The following KMT2C variants were observed in gnomAD, a reference collection of about 807,000 sequenced individuals.
KMT2C encodes the protein histone-lysine N-methyltransferase 2C.
Under a neutral mutation model 507.9 loss-of-function variants are expected in KMT2C, and 88 were observed. The ratio of observed to expected loss-of-function variants is 0.17; its 90% CI spans 0.15 to 0.21. The LOEUF (loss-of-function observed/expected upper bound fraction) is 0.21. Among genes scored for constraint, KMT2C ranks in the 10% least tolerant of loss-of-function variants. The pLI, the probability that KMT2C is intolerant of heterozygous loss-of-function variation, is 1.00. For synonymous variants in KMT2C, 2,049 were observed against 2,080.8 expected, an observed-to-expected ratio of 0.98 and a Z score of 0.42; for missense variants, 4,954 against 5,957.8, an observed-to-expected ratio of 0.83 and a Z score of 5.55.
chr7:152,331,410 T>G (rs1311556747), intron 2 of KMT2C, among the ~76,000 whole-genome samples: 1 of 151,662 alleles, frequency 6.6e-6, no homozygotes. Context: ...TTGAGCCCAG[T>G]AGTTCAAGAC....
At chr7:152,411,143 G>C (rs1355381954) in intron 1 of KMT2C, among the ~76,000 whole-genome samples, 1 of 151,920 alleles carries the variant, frequency 6.6e-6, no homozygotes, top group Non-Finnish European at 1.5e-5. Context: ...AGTTCATTTT[G>C]TCTTTAACAG....
At position 152,203,037 on chromosome 7, in the gene KMT2C, A is replaced by G. The variant is rs1246539243; in HGVS notation, c.3989T>C (p.Leu1330Ser). Residue 1330 changes from leucine (L) to serine (S), a missense_variant, in exon 26 of 59, where the codon TTA becomes TCA. By Grantham distance (145) the Leu-to-Ser change is moderately radical. Coordinates refer to ENST00000262189, the MANE Select transcript of KMT2C (RefSeq NM_170606.3). Reference sequence around the variant, plus strand: ...AGTAACAGAAACAGATTCATCAACTAAAGTATCTGGTAACTGCTCACTCCA... The same window carrying G: ...AGTAACAGAAACAGATTCATCAACTGAAGTATCTGGTAACTGCTCACTCCA... ...DGWSEQLPDT[L>S]VDESVSVTES... 10 of 1,610,816 alleles carry G rather than the reference A, an allele frequency of 6.2e-6. No homozygotes were observed. Among genetic ancestry groups the G allele is most frequent in the South Asian group, 4.4e-5 (4 of 90,656 alleles).
chr7:152,182,822 AT>A, intron 35 of KMT2C, 151 bp downstream of exon 35: 4 of 651,902 alleles, frequency 6.1e-6, no homozygotes, highest in Non-Finnish European at 9.9e-6. Flanking sequence ...TCTCAAATCA[AT>A]TTAAATATAT....
chr7:152,370,529 T>A (rs2097285991), intron 1 of KMT2C, among the ~76,000 whole-genome samples: 1 of 152,194 alleles, frequency 6.6e-6, no homozygotes, highest in Non-Finnish European at 1.5e-5. Flanking sequence ...AGCATTATCC[T>A]AAAGCCAAAA....
At position 152,162,270 on chromosome 7, in the gene KMT2C, T is replaced by C; in HGVS notation, c.11307A>G (p.Lys3769=). The C allele has an allele frequency of 4.3e-6, 7 of 1,614,188 alleles. No individual in the cohort carries two copies. The highest frequency in any genetic ancestry group is 1.1e-5 in the South Asian group (1 of 91,086). The change falls in exon 43 of 59, where the codon AAA becomes AAG. Residue 3769 remains lysine, a synonymous_variant. Transcript: ENST00000262189. ...PPHSAGAPAA[K]GDSGNELLKH... is the part of the protein sequence containing the mutation. ...TCAGAAGTTCATTCCCTGAGTCTCC[T>C]TTGGCAGCAGGGGCCCCAGCAGAAT...
At chr7:152,184,057 T>G (rs1020769404) in intron 34 of KMT2C, among the ~76,000 whole-genome samples, 13 of 132,464 alleles carry the variant, frequency 9.8e-5, no homozygotes, top group Non-Finnish European at 4.7e-5. Context: ...GGGCAACAAC[T>G]GTGAAGCTCC....
intron 6 of KMT2C, among the ~76,000 whole-genome samples, chr7:152,297,063 G>A (rs375339207): frequency 0.072 from 4,656 of 64,886 alleles, 202 homozygotes; most frequent in African/African-American, 0.17. Context: ...GACAGAGAGA[G>A]AGAGAGAGAG....
At chr7:152,381,227 A>AAC (rs372604098) in intron 1 of KMT2C, among the ~76,000 whole-genome samples, 371 of 152,280 alleles carry the variant, frequency 2.4e-3, no homozygotes, top group African/African-American at 8.6e-3. Context: ...ACACGCCAAT[A>AAC]ACATTTATTT....
intron 31 of KMT2C, among the ~76,000 whole-genome samples, chr7:152,189,899 C>T (rs937984895): frequency 3.3e-5 from 5 of 152,180 alleles, no homozygotes; most frequent in Non-Finnish European, 5.9e-5. Flanking sequence ...ACTCTGGGGC[C>T]ACAGACTGGT....
chr7:152,159,121 G>A (rs2129101766), intron 43 of KMT2C, 49 bp from the exon 44 acceptor site: 1 of 1,555,640 alleles, frequency 6.4e-7, no homozygotes. Flanking sequence ...TTGCATATTT[G>A]GTTTTTAGTT....
At chr7:152,330,175 G>GC (rs1219913219) in intron 3 of KMT2C, among the ~76,000 whole-genome samples, 123 of 128,622 alleles carry the variant, frequency 9.6e-4, no homozygotes, top group African/African-American at 3.3e-3. Context: ...GTGGTGGGGG[G>GC]GGGGAGAAAA....
At chr7:152,293,446 A>G (rs2096456399) in intron 6 of KMT2C, among the ~76,000 whole-genome samples, 1 of 152,228 alleles carries the variant, frequency 6.6e-6, no homozygotes. Flanking sequence ...AAAAGTTCCT[A>G]AAGGGTATGC....
chr7:152,219,311 C>T (rs574361754), intron 23 of KMT2C, among the ~76,000 whole-genome samples: 7 of 152,078 alleles, frequency 4.6e-5, no homozygotes, highest in Non-Finnish European at 8.8e-5. Context: ...TGGGACTTGC[C>T]AAACACATTA....
In KMT2C at chr7:152,358,584, T is replaced by G. The variant is rs367875445; in HGVS notation, c.250+3A>C. ...ATTCTTATAAATTCTTGAGTTCTGATACCTGTTTCCACAATCGTTTCTGTT... is the reference window on the plus strand; with the variant it reads ...ATTCTTATAAATTCTTGAGTTCTGAGACCTGTTTCCACAATCGTTTCTGTT... On this transcript the variant is annotated splice_donor_region_variant and intron_variant, in intron 2 of 58. Transcript: ENST00000262189. The G allele has an allele frequency of 6.3e-7, 1 of 1,580,482 alleles. No individual in the cohort carries two copies. Among genetic ancestry groups the G allele is most frequent in the Non-Finnish European group, 8.7e-7 (1 of 1,150,730 alleles).
intron 1 of KMT2C, among the ~76,000 whole-genome samples, chr7:152,431,931 C>T (rs1443482730): frequency 1.4e-4 from 22 of 152,176 alleles, no homozygotes. Flanking sequence ...TTTTCTATCA[C>T]TTATTTCAAA....
intron 1 of KMT2C, among the ~76,000 whole-genome samples, chr7:152,422,065 T>C (rs966615873): frequency 2.0e-5 from 3 of 152,120 alleles, no homozygotes; most frequent in South Asian, 4.1e-4. Flanking sequence ...AAGCACAGCG[T>C]TAGCATATAA....
intron 9 of KMT2C, among the ~76,000 whole-genome samples, chr7:152,259,446 G>GCGCGCACACACACA (rs1188729137): frequency 5.2e-5 from 7 of 134,688 alleles, no homozygotes; most frequent in African/African-American, 2.0e-4. Context: ...ACACACACGC[G>GCGCGCACACACACA]CACACACACA....
In KMT2C at chr7:152,387,830, T is replaced by C. The variant is rs145653658; in HGVS notation, c.162-29155A>G. 2.3e-4 allele frequency among the ~76,000 whole-genome samples: 35 copies of C among 152,120 alleles called. No homozygotes were observed. In the East Asian group the frequency reaches 6.6e-3, roughly 28 times the overall value. On this transcript the variant is annotated intron_variant, in intron 1 of 58. Transcript: ENST00000262189. ...ATGTCTGTATTTTTTTCTACATACA[T>C]ACACGTCTTATCTACAAACCAAAAA...
At chr7:152,290,258 GTATATATATATATATATATATATATA>G in intron 6 of KMT2C, among the ~76,000 whole-genome samples, 1 of 26,242 alleles carries the variant, frequency 3.8e-5, no homozygotes, top group Non-Finnish European at 6.7e-5. Context: ...GTGTGTATGT[GTATATATATATATATATATATATATA>G]TATATATATA....
Sources: gnomAD v4.1 joint callset for allele counts (sites outside exome capture counted in the v4.1 genomes callset) on GRCh38, gnomAD v4.1.1 for gene constraint, MANE v1.5 for transcripts, NCBI Gene and HGNC (gene_info 2026-07-23, HGNC 2026-07-21) for gene names.